ONECUT1: variants seen among roughly 807,000 people sequenced by gnomAD.
ONECUT1 encodes the protein hepatocyte nuclear factor 6.
ONECUT1 carries 12 observed loss-of-function variants against 25.6 expected under a neutral mutation model. The observed-to-expected ratio is 0.47, with a 90% CI of 0.30 to 0.76. The LOEUF (loss-of-function observed/expected upper bound fraction) is 0.76. Among genes scored for constraint, ONECUT1 ranks in the 30% least tolerant of loss-of-function variants. The pLI is 0.07. For missense variants in ONECUT1, 620 were observed against 651.2 expected (o/e 0.95, Z 0.52); for synonymous variants, 285 against 270.2 (o/e 1.05, Z -0.54).
chr15:52,790,040 T>TCC lies in ONECUT1; in HGVS notation c.-157_-156insGG. 1 of 1,095,078 alleles carries TCC rather than the reference T, an allele frequency of 9.1e-7. No individual in the cohort carries two copies. The allele number at this position is 1,095,078 out of a possible 1,614,324, so 67.8% of individuals were successfully genotyped here. A position where few individuals can be genotyped will look rare whatever the true frequency, so the allele number is the denominator to read the frequency against. ...CTGTCTCTCTCTCTCTCTCTCTCCG[T>TCC]GTGTGTGTGTCCGTGTGTGCGTGTG... On this transcript the variant is annotated 5_prime_UTR_variant, in exon 1 of 2. Coordinates refer to ENST00000305901, the MANE Select transcript of ONECUT1 (RefSeq NM_004498.4).
intron 1 of ONECUT1, among the ~76,000 whole-genome samples, chr15:52,781,807 A>G (rs2083842996): frequency 6.6e-6 from 1 of 152,190 alleles, no homozygotes; most frequent in Admixed American, 6.5e-5. Context: ...AAGGTCTCTA[A>G]GTGATTCCAA....
chr15:52,772,558 C>T (rs1338658186), intron 1 of ONECUT1, among the ~76,000 whole-genome samples: 1 of 152,148 alleles, frequency 6.6e-6, no homozygotes, highest in Non-Finnish European at 1.5e-5. Context: ...ACAGGGCCTC[C>T]TTCATCTTGA....
chr15:52,787,539 T>C lies in ONECUT1; in HGVS notation c.1105+1241A>G, dbSNP rs150132346. 7.1e-3 allele frequency among the ~76,000 whole-genome samples: 1,074 copies of C among 151,504 alleles called. 9 individuals are homozygous for C. Among genetic ancestry groups the C allele is most frequent in the African/African-American group, 0.02 (822 of 41,250 alleles). ...CCAGGGACGAATTAATGGAGAACGA[T>C]CAGTTAATTAACAAACCCTCATTCC... On this transcript the variant is annotated intron_variant, in intron 1 of 1. Transcript: ENST00000305901.
At chr15:52,775,747 G>A (rs1179347859) in intron 1 of ONECUT1, among the ~76,000 whole-genome samples, 1 of 152,136 alleles carries the variant, frequency 6.6e-6, no homozygotes, top group East Asian at 1.9e-4. Flanking sequence ...AACTAGATCG[G>A]AGGAAAGTAA....
chr15:52,771,687 G>T (rs1411816816), intron 1 of ONECUT1, among the ~76,000 whole-genome samples: 1 of 151,408 alleles, frequency 6.6e-6, no homozygotes, highest in Non-Finnish European at 1.5e-5. Context: ...GGTTATTGAG[G>T]TACAGGTGGT....
rs758392463 is a variant in ONECUT1 at position 52,790,131 on chromosome 15, C to CTT, written c.-249_-248dup. On this transcript the variant is annotated 5_prime_UTR_variant, in exon 1 of 2. Transcript: ENST00000305901. The stretch of plus-strand genomic sequence containing the variant: ...CCCACCTTCCCCTCTGCGTCCTCGG[C>CTT]TTTTTTTTTTTTAATATTAATTTCC... The CTT allele has an allele frequency of 2.9e-4, 110 of 382,284 alleles. No homozygotes were observed. The highest frequency in any genetic ancestry group is 7.3e-4 in the Middle Eastern group (1 of 1,362). 23.7% of individuals were successfully genotyped at this position (382,284 alleles called of 1,614,324 possible). A position where few individuals can be genotyped will look rare whatever the true frequency, so the allele number is the denominator to read the frequency against.
chr15:52,757,785 A>G lies in ONECUT1; in HGVS notation c.1168T>C (p.Leu390=), dbSNP rs781028194. The change falls in exon 2 of 2, where the codon TTG becomes CTG. Residue 390 remains leucine, a synonymous_variant. Coordinates refer to ENST00000305901, the MANE Select transcript of ONECUT1 (RefSeq NM_004498.4). Reference sequence around the variant, plus strand: ...CGACGCTGGACATCTGTGAAGACCAACCTGGGCTTTTTGGGTGTGTTGCCT... The same window carrying G: ...CGACGCTGGACATCTGTGAAGACCAGCCTGGGCTTTTTGGGTGTGTTGCCT... The part of the protein sequence containing the change: ...DRGNTPKKPR[L]VFTDVQRRTL... 27 of 1,614,000 alleles carry G rather than the reference A, an allele frequency of 1.7e-5. No individual in the cohort carries two copies. The highest frequency in any genetic ancestry group is 2.0e-5 in the Non-Finnish European group (24 of 1,180,002).
At chr15:52,773,609 A>G (rs2083781785) in intron 1 of ONECUT1, among the ~76,000 whole-genome samples, 1 of 152,140 alleles carries the variant, frequency 6.6e-6, no homozygotes, top group Admixed American at 6.5e-5. Context: ...ATGTTTCCCC[A>G]CCAGGATAAA....
At position 52,757,831 on chromosome 15, in the gene ONECUT1, T is replaced by C; in HGVS notation, c.1122A>G (p.Glu374=). ...TGCCTCTATCCTTCCCATGTTCTTG[T>C]TCTTTCCTTTTGCATGCTGTGAAGA... The part of the protein sequence containing the change: ...ALRLAACKRK[E]QEHGKDRGNT... The change falls in exon 2 of 2, where the codon GAA becomes GAG. Residue 374 remains glutamate, a synonymous_variant. Coordinates refer to ENST00000305901, the MANE Select transcript of ONECUT1 (RefSeq NM_004498.4). The C allele has an allele frequency of 6.2e-7, 1 of 1,613,310 alleles. No homozygotes were observed. Among genetic ancestry groups the C allele is most frequent in the South Asian group, 1.1e-5 (1 of 90,998 alleles).
chr15:52,771,650 ATT>A (rs11289668), intron 1 of ONECUT1, among the ~76,000 whole-genome samples: 9 of 149,758 alleles, frequency 6.0e-5, no homozygotes, highest in African/African-American at 9.8e-5. Flanking sequence ...TAATCACTAA[ATT>A]TTTTTTTTTC....
At chr15:52,768,012 G>A (rs2083744846) in intron 1 of ONECUT1, among the ~76,000 whole-genome samples, 1 of 152,126 alleles carries the variant, frequency 6.6e-6, no homozygotes. Context: ...ATGGAGAGTC[G>A]AATGATGGTT....
intron 1 of ONECUT1, chr15:52,786,975 T>TG: frequency 6.6e-6 from 1 of 152,448 alleles, no homozygotes; most frequent in East Asian, 1.9e-4. Flanking sequence ...AGCCTGGCTC[T>TG]GGGGTGGTGT....
intron 1 of ONECUT1, among the ~76,000 whole-genome samples, chr15:52,786,757 G>A (rs904415427): frequency 6.6e-6 from 1 of 151,796 alleles, no homozygotes; most frequent in Non-Finnish European, 1.5e-5. Context: ...TGAACAGAAC[G>A]TGTCAGTCTG....
At chr15:52,763,997 T>C (rs2083720386) in intron 1 of ONECUT1, among the ~76,000 whole-genome samples, 1 of 152,214 alleles carries the variant, frequency 6.6e-6, no homozygotes. Flanking sequence ...AGCCCTGTCT[T>C]AGAACACACT....
chr15:52,783,937 C>T (rs2083857519), intron 1 of ONECUT1, among the ~76,000 whole-genome samples: 1 of 152,232 alleles, frequency 6.6e-6, no homozygotes, highest in African/African-American at 2.4e-5. Flanking sequence ...TCTCTTCCTC[C>T]TTCACACTTT....
intron 1 of ONECUT1, among the ~76,000 whole-genome samples, chr15:52,772,565 T>C (rs138988452): frequency 6.6e-6 from 1 of 152,316 alleles, no homozygotes; most frequent in East Asian, 1.9e-4. Context: ...CTCCTTCATC[T>C]TGACTTGTCT....
At chr15:52,768,330 T>C (rs1406294322) in intron 1 of ONECUT1, among the ~76,000 whole-genome samples, 1 of 152,196 alleles carries the variant, frequency 6.6e-6, no homozygotes, top group Non-Finnish European at 1.5e-5. Flanking sequence ...CTATTATGTA[T>C]CCATAATTAA....
rs760792842 is a variant in ONECUT1 at position 52,755,557 on chromosome 15, G to T, written c.*1998C>A. 4.9e-4 allele frequency among the ~76,000 whole-genome samples: 75 copies of T among 152,200 alleles called. No individual in the cohort carries two copies. The highest frequency in any genetic ancestry group is 8.8e-4 in the Non-Finnish European group (60 of 68,036). ...TGAAGGAGACACAGATAGATGGCTT[G>T]TTGGTTTTGCTTTACCTCTCTAGTT... On this transcript the variant is annotated 3_prime_UTR_variant, in exon 2 of 2. Coordinates refer to ENST00000305901, the MANE Select transcript of ONECUT1 (RefSeq NM_004498.4).
In ONECUT1 at chr15:52,788,907, G is replaced by A; in HGVS notation, c.978C>T (p.Thr326=). The A allele has an allele frequency of 3.1e-6, 5 of 1,614,130 alleles. No homozygotes were observed. Among genetic ancestry groups the A allele is most frequent in the Non-Finnish European group, 3.4e-6 (4 of 1,180,036 alleles). ...TGGGGTTGCGCAGCAGGTCCGAGAGGGTCCCCTGGGAGCGGCAGAGCACCC... is the reference window on the plus strand; with the variant it reads ...TGGGGTTGCGCAGCAGGTCCGAGAGAGTCCCCTGGGAGCGGCAGAGCACCC... ...AQRVLCRSQG[T]LSDLLRNPKP... The change falls in exon 1 of 2, where the codon ACC becomes ACT. Residue 326 remains threonine (T), a synonymous_variant. Transcript: ENST00000305901. This position sits in a 1 kb window ranked among gnomAD's most constrained non-coding sequence, Gnocchi z 4.3.
Sources: allele counts gnomAD v4.1 joint callset (sites outside exome capture counted in the v4.1 genomes callset), GRCh38; gene constraint gnomAD v4.1.1; non-coding constraint Gnocchi (gnomAD v3.1); transcripts MANE v1.5; gene names NCBI Gene and HGNC (gene_info 2026-07-23, HGNC 2026-07-21).